Variants in WASL observed in about 807,000 individuals in gnomAD.
WASL encodes the protein WASP like actin nucleation promoting factor.
Under a neutral mutation model 55.5 loss-of-function variants are expected in WASL, and 20 were observed. The ratio of observed to expected loss-of-function variants is 0.36; its 90% CI spans 0.25 to 0.52. The LOEUF is 0.52. WASL is among the 20% of genes least tolerant of loss of function. The probability of loss-of-function intolerance (pLI) is 0.92; values close to 1 mark genes in which losing one functional copy is unlikely to be tolerated. For synonymous variants in WASL, 249 were observed against 217.6 expected, an observed-to-expected ratio of 1.14 and a Z score of -1.27; for missense variants, 504 against 622.5, an observed-to-expected ratio of 0.81 and a Z score of 2.03.
At chr7:123,742,859 T>TA (rs1804366994) in intron 1 of WASL, among the ~76,000 whole-genome samples, 1 of 152,224 alleles carries the variant, frequency 6.6e-6, no homozygotes, top group Admixed American at 6.5e-5. Flanking sequence ...TCTGCTTAGA[T>TA]ATATGCTATA....
At chr7:123,721,141 T>C (rs1484001431) in intron 1 of WASL, among the ~76,000 whole-genome samples, 1 of 152,224 alleles carries the variant, frequency 6.6e-6, no homozygotes, top group Non-Finnish European at 1.5e-5. Flanking sequence ...TTTACAAACT[T>C]ACTCTTGCAG....
At chr7:123,695,798 G>A (rs553359172) in intron 7 of WASL, 25 bp downstream of exon 7, 42 of 1,608,208 alleles carry the variant, frequency 2.6e-5, no homozygotes, top group Middle Eastern at 1.7e-4. Context: ...CAGTTATAAC[G>A]TATATGATTT....
chr7:123,736,027 G>C (rs1804222942), intron 1 of WASL, among the ~76,000 whole-genome samples: 1 of 151,822 alleles, frequency 6.6e-6, no homozygotes, highest in African/African-American at 2.4e-5. Context: ...AAAGCAGTCA[G>C]AGAAAAAAAG....
intron 1 of WASL, among the ~76,000 whole-genome samples, chr7:123,747,962 C>A (rs971458369): frequency 6.6e-6 from 1 of 151,770 alleles, no homozygotes; most frequent in Non-Finnish European, 1.5e-5. Context: ...GAGAGCAGCA[C>A]CCCCTCCCAC....
intron 1 of WASL, among the ~76,000 whole-genome samples, chr7:123,736,234 G>A (rs1804225634): frequency 6.6e-6 from 1 of 151,860 alleles, no homozygotes; most frequent in Non-Finnish European, 1.5e-5. Flanking sequence ...CAACCTGAAA[G>A]AATTTATAAG....
chr7:123,743,449 A>T (rs1273963117), intron 1 of WASL, among the ~76,000 whole-genome samples: 5 of 152,100 alleles, frequency 3.3e-5, no homozygotes, highest in African/African-American at 1.2e-4. Context: ...CTTCCTCTTC[A>T]ATTAGCAGCC....
At chr7:123,708,488 T>C (rs1803705888) in intron 2 of WASL, among the ~76,000 whole-genome samples, 1 of 152,152 alleles carries the variant, frequency 6.6e-6, no homozygotes, top group African/African-American at 2.4e-5. Flanking sequence ...GACTTCATCT[T>C]AGCAAAATAT....
intron 1 of WASL, among the ~76,000 whole-genome samples, chr7:123,731,998 GA>G (rs1804145256): frequency 6.6e-6 from 1 of 151,966 alleles, no homozygotes; most frequent in South Asian, 2.1e-4. Context: ...GCTTAACCAA[GA>G]AAAAAAGAGA....
intron 1 of WASL, among the ~76,000 whole-genome samples, chr7:123,741,962 G>A (rs1037485734): frequency 7.2e-5 from 11 of 152,026 alleles, no homozygotes; most frequent in African/African-American, 2.7e-4. Flanking sequence ...TTTATAATCT[G>A]ATATTACTCA....
At chr7:123,694,578 T>C (rs1803463747) in intron 8 of WASL, 137 bp downstream of exon 8, 2 of 769,194 alleles carry the variant, frequency 2.6e-6, no homozygotes, top group South Asian at 3.8e-5. Context: ...CACAGTGTGA[T>C]GGGCCACATT....
chr7:123,693,768 C>G (rs1464764037), intron 8 of WASL, among the ~76,000 whole-genome samples: 3 of 152,100 alleles, frequency 2.0e-5, no homozygotes, highest in African/African-American at 7.2e-5. Context: ...GAGTTTGAGA[C>G]CAACCTGGCT....
chr7:123,690,101 CAG>C (rs1458511444), intron 9 of WASL, among the ~76,000 whole-genome samples: 5 of 152,144 alleles, frequency 3.3e-5, no homozygotes, highest in East Asian at 3.9e-4. Flanking sequence ...AAAAAGATAA[CAG>C]AGAGTTTCAG....
At chr7:123,724,250 C>T (rs1804005804) in intron 1 of WASL, among the ~76,000 whole-genome samples, 1 of 152,218 alleles carries the variant, frequency 6.6e-6, no homozygotes, top group African/African-American at 2.4e-5. Context: ...CACTTTGACA[C>T]TATCTTGTTA....
intron 10 of WASL, among the ~76,000 whole-genome samples, chr7:123,688,604 C>T (rs1803337385): frequency 1.3e-5 from 2 of 152,238 alleles, no homozygotes; most frequent in Admixed American, 6.5e-5. Flanking sequence ...TCAGGTGATC[C>T]ACCCGCCTCG....
intron 1 of WASL, among the ~76,000 whole-genome samples, chr7:123,745,048 T>G (rs1362603062): frequency 6.6e-6 from 1 of 151,962 alleles, no homozygotes; most frequent in Non-Finnish European, 1.5e-5. Flanking sequence ...AGAGTCTCAT[T>G]AACATTTAGG....
chr7:123,735,989 C>A (rs1411057256), intron 1 of WASL, among the ~76,000 whole-genome samples: 1 of 151,880 alleles, frequency 6.6e-6, no homozygotes, highest in African/African-American at 2.4e-5. Flanking sequence ...CAGATCCCTT[C>A]AAACTAGTAA....
In WASL at chr7:123,683,588, C is replaced by T. The variant is rs1393535087; in HGVS notation, c.*931G>A. On this transcript the variant is annotated 3_prime_UTR_variant, in exon 11 of 11. Coordinates refer to ENST00000223023, the MANE Select transcript of WASL (RefSeq NM_003941.4). ...TGGTATTTCTGAACACCTCAATCCA[C>T]ACAAAGTGCAAAATAAAAATGCTAA... is the stretch of plus-strand genomic sequence containing the variant. 6.6e-6 allele frequency: 1 copy of T among 151,928 alleles called. No individual in the cohort carries two copies. The highest frequency in any genetic ancestry group is 1.5e-5 in the Non-Finnish European group (1 of 67,918). 9.4% of individuals were successfully genotyped at this position (151,928 alleles called of 1,614,324 possible).
Position 123,748,633 on chromosome 7 carries a change from G to C in WASL, c.102C>G (p.Leu34=), listed in dbSNP as rs779409206. ...PQENESLFTF[L]GKKCVTMSSA... is the part of the protein sequence containing the mutation. ...GTCCACTGACCACACATTTCTTGCC[G>C]AGGAAAGTGAAGAGGGACTCGTTCT... is the stretch of plus-strand genomic sequence containing the variant. The change falls in exon 1 of 11, where the codon CTC becomes CTG. Residue 34 remains leucine, a synonymous_variant. Transcript: ENST00000223023. 2 of 1,613,452 alleles carry C rather than the reference G, an allele frequency of 1.2e-6. No homozygotes were observed. Among genetic ancestry groups the C allele is most frequent in the Non-Finnish European group, 1.7e-6 (2 of 1,179,788 alleles).
At chr7:123,690,293 C>T (rs76739083) in intron 9 of WASL, among the ~76,000 whole-genome samples, 1,837 of 152,210 alleles carry the variant, frequency 0.012, 14 homozygotes, top group Non-Finnish European at 0.02. Flanking sequence ...GTACTAAAAC[C>T]ATGGAATTCA....
Sources: gnomAD v4.1 joint callset for allele counts (sites outside exome capture counted in the v4.1 genomes callset) on GRCh38, gnomAD v4.1.1 for gene constraint, MANE v1.5 for transcripts, NCBI Gene and HGNC (gene_info 2026-07-23, HGNC 2026-07-21) for gene names.